Variants in SLC47A2 observed in about 807,000 individuals in gnomAD.
SLC47A2 encodes multidrug and toxin extrusion protein 2.
In SLC47A2, 52 loss-of-function variants were observed where a neutral mutation model predicts 67.7. The observed-to-expected ratio is 0.77, with a 90% confidence interval of 0.61 to 0.97. The LOEUF is 0.97. SLC47A2 is among the 50% of genes least tolerant of loss of function. The pLI is 0.00. For missense variants in SLC47A2, 676 were observed against 712.3 expected (o/e 0.95, Z 0.58); for synonymous variants, 278 against 292.9 (o/e 0.95, Z 0.52).
Position 19,709,669 on chromosome 17 carries a change from A to T in SLC47A2, c.487-909T>A, listed in dbSNP as rs1382912412. Among the ~76,000 whole-genome samples, 4 of 152,294 alleles carry T rather than the reference A, an allele frequency of 2.6e-5. No homozygotes were observed. The East Asian group carries it at 7.7e-4, about 29-fold the overall frequency. On this transcript the variant is annotated intron_variant, in intron 5 of 16. Coordinates refer to ENST00000433844, the MANE Select transcript of SLC47A2 (RefSeq NM_001099646.3). ...TATTGCAAAGTGCTTACCAAATGAT[A>T]TATGGGACATTTAAGCATTCCAAGT...
At chr17:19,708,145 G>T (rs1401835085) in intron 7 of SLC47A2, among the ~76,000 whole-genome samples, 157 bp downstream of exon 7, 1 of 152,116 alleles carries the variant, frequency 6.6e-6, no homozygotes, top group Non-Finnish European at 1.5e-5. Flanking sequence ...TCAAACTGAG[G>T]TCCCCAAGGG....
intron 10 of SLC47A2, chr17:19,704,769 G>T: frequency 7.4e-7 from 1 of 1,352,196 alleles, no homozygotes; most frequent in Non-Finnish European, 1.0e-6. Context: ...CTGTCACCCA[G>T]CTCTGGCCGA....
chr17:19,714,224 G>T (rs747419479), intron 3 of SLC47A2, among the ~76,000 whole-genome samples: 1 of 152,200 alleles, frequency 6.6e-6, no homozygotes, highest in Non-Finnish European at 1.5e-5. Flanking sequence ...CATGTCAGCG[G>T]CAGGTTAAGT....
At chr17:19,682,318 G>A (rs2085331216) in intron 13 of SLC47A2, among the ~76,000 whole-genome samples, 1 of 147,758 alleles carries the variant, frequency 6.8e-6, no homozygotes, top group African/African-American at 2.5e-5. Flanking sequence ...GGGCGACAGA[G>A]CGAGACTTGG....
chr17:19,714,952 C>T (rs781590476), intron 2 of SLC47A2, 163 bp from the exon 3 acceptor site: 80 of 1,237,348 alleles, frequency 6.5e-5, no homozygotes, highest in Non-Finnish European at 9.1e-5. Flanking sequence ...GGCCAGACCG[C>T]CTCCATCTCC....
chr17:19,700,755 AC>A (rs2085763622), intron 13 of SLC47A2, among the ~76,000 whole-genome samples: 1 of 132,098 alleles, frequency 7.6e-6, no homozygotes, highest in African/African-American at 2.8e-5. Flanking sequence ...ACAGAGTGAG[AC>A]CTGTCTCAAA....
In SLC47A2 at chr17:19,685,492, C is replaced by T. The variant is rs911864745; in HGVS notation, c.1165-3822G>A. On this transcript the variant is annotated intron_variant, in intron 13 of 16. Coordinates refer to ENST00000433844, the MANE Select transcript of SLC47A2 (RefSeq NM_001099646.3). This position sits in a 1 kb window ranked among gnomAD's most constrained non-coding sequence, Gnocchi z 4.5. Reference sequence around the variant, plus strand: ...GAAGTGAGGAGTGCCTCTGCCCAGTCGCCCCATCTGGGAGGTGAGGAGCGC... The same window carrying T: ...GAAGTGAGGAGTGCCTCTGCCCAGTTGCCCCATCTGGGAGGTGAGGAGCGC... Among the ~76,000 whole-genome samples the T allele has an allele frequency of 1.4e-4, 22 of 152,174 alleles. No individual in the cohort carries two copies. Among genetic ancestry groups the T allele is most frequent in the Non-Finnish European group, 2.8e-4 (19 of 67,990 alleles).
chr17:19,698,698 T>C (rs764007780), intron 13 of SLC47A2, among the ~76,000 whole-genome samples: 5 of 152,200 alleles, frequency 3.3e-5, no homozygotes, highest in Non-Finnish European at 7.3e-5. Context: ...AAAAATTCTT[T>C]TAATTTTGAT....
At chr17:19,690,619 A>C (rs958661036) in intron 13 of SLC47A2, among the ~76,000 whole-genome samples, 1 of 152,198 alleles carries the variant, frequency 6.6e-6, no homozygotes, top group African/African-American at 2.4e-5. Context: ...AATAGAAAAA[A>C]TAATCCTAAA....
At position 19,685,803 on chromosome 17, in the gene SLC47A2, CTAAATAAA is replaced by C. The variant is rs564092010; in HGVS notation, c.1165-4141_1165-4134del. The stretch of plus-strand genomic sequence containing the variant: ...AACACCCAAAAATGATCAATAAATA[CTAAATAAA>C]TAAATAAATAAATAAACTACTTTTC... On this transcript the variant is annotated intron_variant, in intron 13 of 16. Coordinates refer to ENST00000433844, the MANE Select transcript of SLC47A2 (RefSeq NM_001099646.3). The surrounding 1 kb of genome is among the most constrained non-coding windows in gnomAD (Gnocchi z 4.5). Among the ~76,000 whole-genome samples the C allele has an allele frequency of 1.2e-4, 18 of 151,992 alleles. No homozygotes were observed. Among genetic ancestry groups the C allele is most frequent in the Admixed American group, 2.0e-4 (3 of 15,264 alleles).
rs758544416 is a variant in SLC47A2, at chr17:19,702,723, C to T, written c.1095-49G>A. 3 of 1,591,834 alleles carry T rather than the reference C, an allele frequency of 1.9e-6. No individual in the cohort carries two copies. The South Asian group carries it at 3.4e-5, about 18-fold the overall frequency. On this transcript the variant is annotated intron_variant, in intron 12 of 16. Coordinates refer to ENST00000433844, the MANE Select transcript of SLC47A2 (RefSeq NM_001099646.3). ...TAAGACACAGATGTATCCTTTGAGA[C>T]CCATTTATATCCCTTCTATTCCACA...
At chr17:19,701,001 C>G (rs2085771769) in intron 13 of SLC47A2, among the ~76,000 whole-genome samples, 1 of 150,090 alleles carries the variant, frequency 6.7e-6, no homozygotes, top group Admixed American at 6.6e-5. Context: ...AACCCTGTCT[C>G]TACTAAAAAT....
rs28670431 is a variant in SLC47A2, at chr17:19,681,229, A to G, written c.1392+138T>C. 6 of 685,412 alleles carry G rather than the reference A, an allele frequency of 8.8e-6. No individual in the cohort carries two copies. In the African/African-American group the frequency reaches 1.1e-4, roughly 12 times the overall value. The allele number at this position is 685,412 out of a possible 1,614,324, so 42.5% of individuals were successfully genotyped here. Reference sequence around the variant, plus strand: ...CTCCATCTCACAAACAAACAAACAAAAAAAAAAAACACCTGCAGCTTATAC... The same window carrying G: ...CTCCATCTCACAAACAAACAAACAAGAAAAAAAAACACCTGCAGCTTATAC... On this transcript the variant is annotated intron_variant, in intron 15 of 16. Transcript: ENST00000433844.
chr17:19,695,452 C>A (rs1200554010), intron 13 of SLC47A2, among the ~76,000 whole-genome samples: 4 of 137,994 alleles, frequency 2.9e-5, no homozygotes, highest in Admixed American at 8.0e-5. Flanking sequence ...AACTGCACTC[C>A]AGCCTGGGCA....
At chr17:19,697,996 A>G (rs530794552) in intron 13 of SLC47A2, among the ~76,000 whole-genome samples, 1 of 152,272 alleles carries the variant, frequency 6.6e-6, no homozygotes, top group South Asian at 2.1e-4. Context: ...TCATTAGAGA[A>G]ATGCACACTG....
chr17:19,704,402 C>T (rs752650587), intron 10 of SLC47A2, among the ~76,000 whole-genome samples: 4 of 152,268 alleles, frequency 2.6e-5, no homozygotes, highest in Non-Finnish European at 4.4e-5. Flanking sequence ...CCCACCACCA[C>T]CTGCGCCATC....
At chr17:19,696,295 C>CAA (rs397960037) in intron 13 of SLC47A2, among the ~76,000 whole-genome samples, 10,827 of 116,288 alleles carry the variant, frequency 0.093, 579 homozygotes, top group African/African-American at 0.17. Flanking sequence ...TACTAAAATA[C>CAA]AAAAAAAAAA....
At chr17:19,716,333 G>C in intron 1 of SLC47A2, 100 bp downstream of exon 1, 3 of 1,459,656 alleles carry the variant, frequency 2.1e-6, no homozygotes, top group Non-Finnish European at 1.8e-6. Flanking sequence ...AGTTTCTGGG[G>C]AAAATGTGAG....
rs1024893235 is a variant in SLC47A2 at position 19,702,649 on chromosome 17, C to A, written c.1120G>T (p.Val374Phe). Residue 374 changes from valine to phenylalanine, a missense_variant, in exon 13 of 17, where the codon GTC becomes TTC. Physicochemically the swap from Val to Phe is conservative, Grantham distance 50. Coordinates refer to ENST00000433844, the MANE Select transcript of SLC47A2 (RefSeq NM_001099646.3). ...TGAAAGACACTATAAACCGGCAAGA[C>A]CTGGCTCACCAGGGCAATGACATCT... ...DEDVIALVSQ[V>F]LPVYSVFHVF... is the part of the protein sequence containing the mutation. 1.2e-6 allele frequency: 2 copies of A among 1,613,932 alleles called. No homozygotes were observed. The highest frequency in any genetic ancestry group is 1.3e-5 in the African/African-American group (1 of 74,920).
Sources: allele counts gnomAD v4.1 joint callset (sites outside exome capture counted in the v4.1 genomes callset), GRCh38; gene constraint gnomAD v4.1.1; non-coding constraint Gnocchi (gnomAD v3.1); transcripts MANE v1.5; gene names NCBI Gene and HGNC (gene_info 2026-07-23, HGNC 2026-07-21).